Variants in RB1 observed in about 807,000 individuals in gnomAD.
RB1 encodes the protein retinoblastoma-associated protein.
A neutral mutation model predicts 135.4 loss-of-function variants in RB1; 18 were observed. The ratio of observed to expected loss-of-function variants is 0.13; its 90% CI spans 0.09 to 0.20. The LOEUF (loss-of-function observed/expected upper bound fraction) is 0.20, where lower values mean the gene tolerates loss of function less well. RB1 is among the 10% of genes least tolerant of loss of function. RB1 has a pLI of 1.00. For missense variants in RB1, 868 were observed against 1,110.0 expected (o/e 0.78, Z 3.10); for synonymous variants, 365 against 373.2 (o/e 0.98, Z 0.25).
chr13:48,340,824 T>C (rs1470855607), intron 2 of RB1: 1 of 155,918 alleles, frequency 6.4e-6, no homozygotes, highest in African/African-American at 2.4e-5. Flanking sequence ...TATTAAAATA[T>C]ATATTTTTAA....
chr13:48,381,483 T>C, intron 17 of RB1, 40 bp downstream of exon 17: 2 of 1,581,900 alleles, frequency 1.3e-6, no homozygotes, highest in African/African-American at 1.3e-5. Flanking sequence ...TTCATGTGCA[T>C]ATGGCTAACA....
chr13:48,333,704 C>T (rs1002569261), intron 2 of RB1, among the ~76,000 whole-genome samples: 1 of 149,402 alleles, frequency 6.7e-6, no homozygotes, highest in Non-Finnish European at 1.5e-5. Flanking sequence ...TCAGTTGCTG[C>T]TTGTTTCTCT....
intron 17 of RB1, among the ~76,000 whole-genome samples, chr13:48,440,287 A>AT (rs1056161831): frequency 6.6e-6 from 1 of 152,034 alleles, no homozygotes; most frequent in African/African-American, 2.4e-5. Flanking sequence ...AATATTAACT[A>AT]TTTTTCCTGA....
chr13:48,346,395 TG>T (rs1952498477), intron 4 of RB1, among the ~76,000 whole-genome samples: 1 of 150,910 alleles, frequency 6.6e-6, no homozygotes, highest in Non-Finnish European at 1.5e-5. Context: ...TGTGTGTGTG[TG>T]TGTGTGTGTG....
intron 17 of RB1, among the ~76,000 whole-genome samples, chr13:48,388,823 A>G (rs1012150160): frequency 6.6e-6 from 1 of 152,176 alleles, no homozygotes; most frequent in Non-Finnish European, 1.5e-5. Flanking sequence ...AGATTGAAAT[A>G]GAACAGCCAG....
chr13:48,335,396 G>A (rs74880289), intron 2 of RB1, among the ~76,000 whole-genome samples: 3,668 of 152,052 alleles, frequency 0.024, 85 homozygotes, highest in South Asian at 0.034. Context: ...CATATCAAGT[G>A]TACACATTTA....
In RB1 at chr13:48,475,441, G is replaced by A. The variant is rs1015306694; in HGVS notation, c.2521-1260G>A. On this transcript the variant is annotated intron_variant, in intron 24 of 26. Transcript: ENST00000267163. The stretch of plus-strand genomic sequence containing the variant: ...AAATGGCTGTTGGCTGATCCTCGAT[G>A]GCTATTGGCCCCTCTATTGGTTTCT... Among the ~76,000 whole-genome samples, 9 of 152,336 alleles carry A rather than the reference G, an allele frequency of 5.9e-5. No homozygotes were observed. The South Asian group carries it at 1.9e-3, about 32-fold the overall frequency.
intron 7 of RB1, among the ~76,000 whole-genome samples, chr13:48,362,276 A>G (rs1403177200): frequency 6.7e-6 from 1 of 149,904 alleles, no homozygotes; most frequent in Admixed American, 6.7e-5. Context: ...CTGAACCTGT[A>G]TTTAGTTTGG....
At chr13:48,400,042 C>A (rs968572045) in intron 17 of RB1, among the ~76,000 whole-genome samples, 9 of 151,974 alleles carry the variant, frequency 5.9e-5, no homozygotes, top group African/African-American at 1.9e-4. Flanking sequence ...AAATAAAAAA[C>A]AAACAAAAAT....
intron 17 of RB1, among the ~76,000 whole-genome samples, chr13:48,425,732 T>C (rs1949070098): frequency 6.6e-6 from 1 of 152,224 alleles, no homozygotes; most frequent in South Asian, 2.1e-4. Context: ...ATAATTTAGC[T>C]TCTCTATTGT....
intron 17 of RB1, among the ~76,000 whole-genome samples, chr13:48,400,190 T>C (rs1466498770): frequency 6.6e-6 from 1 of 152,136 alleles, no homozygotes; most frequent in Non-Finnish European, 1.5e-5. Context: ...TTTATGTGTG[T>C]GACATTTCAG....
chr13:48,310,165 C>T (rs1028016666), intron 2 of RB1, among the ~76,000 whole-genome samples: 9 of 152,018 alleles, frequency 5.9e-5, no homozygotes, highest in Admixed American at 1.3e-4. Context: ...TGAGGTTTGG[C>T]CTGAGAATTT....
At chr13:48,364,409 T>C (rs1952673375) in intron 8 of RB1, among the ~76,000 whole-genome samples, 2 of 152,234 alleles carry the variant, frequency 1.3e-5, no homozygotes, top group Admixed American at 1.3e-4. Context: ...ATAAACTTAC[T>C]GTAAATGTAT....
At chr13:48,358,179 A>G (rs1414916217) in intron 6 of RB1, among the ~76,000 whole-genome samples, 1 of 152,084 alleles carries the variant, frequency 6.6e-6, no homozygotes, top group Non-Finnish European at 1.5e-5. Context: ...TAGTGCAAGC[A>G]CTCATAGGGC....
At chr13:48,461,659 CT>C (rs201332288) in intron 20 of RB1, among the ~76,000 whole-genome samples, 16 of 148,060 alleles carry the variant, frequency 1.1e-4, no homozygotes, top group East Asian at 2.0e-4. Context: ...ACTTTTTTAT[CT>C]TTTTTTTTTA....
intron 23 of RB1, among the ~76,000 whole-genome samples, chr13:48,466,742 C>G (rs1024458766): frequency 5.4e-5 from 5 of 92,304 alleles, no homozygotes; most frequent in African/African-American, 1.5e-4. Flanking sequence ...AACCAAGGCT[C>G]GAGAACTACG....
At chr13:48,451,793 A>G (rs1009570065) in intron 17 of RB1, among the ~76,000 whole-genome samples, 10 of 148,580 alleles carry the variant, frequency 6.7e-5, no homozygotes, top group African/African-American at 2.5e-4. Flanking sequence ...ATTTCAGAAC[A>G]TGTTATTGGT....
intron 11 of RB1, among the ~76,000 whole-genome samples, chr13:48,369,571 T>C (rs971738879): frequency 2.6e-5 from 4 of 152,236 alleles, no homozygotes; most frequent in African/African-American, 4.8e-5. Flanking sequence ...AAAGATCTTA[T>C]ATGGTCTGGT....
At position 48,303,878 on chromosome 13, in the gene RB1, C is replaced by T; in HGVS notation, c.-35C>T. On this transcript the variant is annotated 5_prime_UTR_variant, in exon 1 of 27. Transcript: ENST00000267163. ...GCGCGTCGTCCTCCCCGGCGCTCCT[C>T]CACAGCTCGCTGGCTCCCGCCGCGG... 1 of 1,513,612 alleles carries T rather than the reference C, an allele frequency of 6.6e-7. No individual in the cohort carries two copies. The highest frequency in any genetic ancestry group is 1.2e-5 in the South Asian group (1 of 81,960). 93.8% of individuals were successfully genotyped at this position (1,513,612 alleles called of 1,614,324 possible).
Sources: allele counts gnomAD v4.1 joint callset (sites outside exome capture counted in the v4.1 genomes callset), GRCh38; gene constraint gnomAD v4.1.1; transcripts MANE v1.5; gene names NCBI Gene and HGNC (gene_info 2026-07-23, HGNC 2026-07-21).